Variants in PDE4D observed in about 807,000 individuals in gnomAD.
PDE4D encodes the protein 3',5'-cyclic-AMP phosphodiesterase 4D.
In PDE4D, 24 loss-of-function variants were observed where a neutral mutation model predicts 87.4. The ratio of observed to expected loss-of-function variants is 0.27; its 90% CI spans 0.20 to 0.39. The LOEUF is 0.39. PDE4D is among the 10% of genes least tolerant of loss of function. The probability of loss-of-function intolerance (pLI) is 1.00; values close to 1 mark genes in which losing one functional copy is unlikely to be tolerated. For missense variants in PDE4D, 714 were observed against 1,041.0 expected (o/e 0.69, Z 4.32); for synonymous variants, 384 against 383.2 (o/e 1.00, Z -0.02).
intron 1 of PDE4D, among the ~76,000 whole-genome samples, chr5:59,431,696 TG>T (rs1260206937): frequency 6.6e-6 from 1 of 152,074 alleles, no homozygotes; most frequent in African/African-American, 2.4e-5. Flanking sequence ...ACTTGTGCCA[TG>T]GGGGTTTGTT....
chr5:60,401,351 G>A (rs1741066964), intron 1 of PDE4D, among the ~76,000 whole-genome samples: 1 of 152,132 alleles, frequency 6.6e-6, no homozygotes, highest in South Asian at 2.1e-4. Context: ...ACTTCACAAT[G>A]AAAAATCTAG....
intron 1 of PDE4D, among the ~76,000 whole-genome samples, chr5:59,760,621 T>C (rs879279541): frequency 2.0e-5 from 3 of 152,174 alleles, no homozygotes; most frequent in Non-Finnish European, 4.4e-5. Flanking sequence ...AAATTACTTA[T>C]ATTAGAAAAC....
chr5:60,405,457 T>A (rs371430531), intron 1 of PDE4D, among the ~76,000 whole-genome samples: 5 of 152,214 alleles, frequency 3.3e-5, no homozygotes, highest in African/African-American at 1.2e-4. Flanking sequence ...AATTTTTGGC[T>A]CTATGAAGGA....
chr5:59,775,236 T>C (rs1763961003), intron 1 of PDE4D, among the ~76,000 whole-genome samples: 1 of 152,148 alleles, frequency 6.6e-6, no homozygotes, highest in African/African-American at 2.4e-5. Flanking sequence ...ATACCCTATA[T>C]TTCTGGGTTT....
chr5:59,669,911 T>G (rs1746910750), intron 1 of PDE4D, among the ~76,000 whole-genome samples: 1 of 152,182 alleles, frequency 6.6e-6, no homozygotes, highest in South Asian at 2.1e-4. Flanking sequence ...TGGGCATGAT[T>G]TCATTTAACC....
chr5:60,099,604 C>T (rs558843573), intron 2 of PDE4D, among the ~76,000 whole-genome samples: 156 of 151,410 alleles, frequency 1.0e-3, no homozygotes, highest in African/African-American at 3.7e-3. Context: ...TACGGTTTAC[C>T]GAGAAAGAAA....
At chr5:59,959,798 G>T (rs924537417) in intron 3 of PDE4D, among the ~76,000 whole-genome samples, 6 of 152,072 alleles carry the variant, frequency 3.9e-5, no homozygotes, top group African/African-American at 1.4e-4. Flanking sequence ...AAGATTTTAT[G>T]ACTAAGTCCC....
intron 2 of PDE4D, among the ~76,000 whole-genome samples, chr5:59,195,338 G>T (rs545694885): frequency 6.6e-6 from 1 of 152,314 alleles, no homozygotes; most frequent in East Asian, 1.9e-4. Context: ...CAGGGTAGGA[G>T]CAGGCCTGGT....
chr5:60,238,310 G>A (rs1746662194), intron 1 of PDE4D, among the ~76,000 whole-genome samples: 1 of 151,770 alleles, frequency 6.6e-6, no homozygotes, highest in South Asian at 2.1e-4. Context: ...TTCTTCTGTT[G>A]ATAGAAATAC....
intron 1 of PDE4D, among the ~76,000 whole-genome samples, chr5:60,220,111 T>A (rs1744315624): frequency 6.6e-6 from 1 of 151,942 alleles, no homozygotes; most frequent in African/African-American, 2.4e-5. Flanking sequence ...GTCCTGGGGG[T>A]GTGGAGAAAA....
intron 2 of PDE4D, among the ~76,000 whole-genome samples, chr5:59,999,051 A>G (rs1204305163): frequency 2.0e-5 from 3 of 152,186 alleles, no homozygotes; most frequent in Non-Finnish European, 4.4e-5. Flanking sequence ...AGTTTTATGA[A>G]AAGTCTAGAA....
intron 1 of PDE4D, among the ~76,000 whole-genome samples, chr5:59,371,614 T>C (rs1423854638): frequency 6.6e-6 from 1 of 152,202 alleles, no homozygotes; most frequent in Non-Finnish European, 1.5e-5. Flanking sequence ...GGTCTGTCCA[T>C]GGTTTCTCTG....
At chr5:59,150,328 T>G (rs1779295802) in intron 5 of PDE4D, among the ~76,000 whole-genome samples, 1 of 152,220 alleles carries the variant, frequency 6.6e-6, no homozygotes, top group Admixed American at 6.6e-5. Context: ...ACTTCTGGAA[T>G]CTTCTCAAAA....
chr5:59,052,596 C>T (rs1761714461), intron 5 of PDE4D, among the ~76,000 whole-genome samples: 1 of 152,118 alleles, frequency 6.6e-6, no homozygotes, highest in African/African-American at 2.4e-5. Context: ...TAGTGGTCTA[C>T]GATGACAGTT....
At chr5:60,305,548 A>T (rs1754420367) in intron 1 of PDE4D, among the ~76,000 whole-genome samples, 1 of 152,040 alleles carries the variant, frequency 6.6e-6, no homozygotes, top group Admixed American at 6.5e-5. Flanking sequence ...ACACATCCCA[A>T]GAAAACTTTC....
rs944255248 is a variant in PDE4D, at chr5:60,044,531, T to C, written c.43-55814A>G. Among the ~76,000 whole-genome samples, 9 of 135,606 alleles carry C rather than the reference T, an allele frequency of 6.6e-5. 1 individual carries two copies. The highest frequency in any genetic ancestry group is 5.3e-4 in the South Asian group (2 of 3,794). 89.0% of individuals were successfully genotyped at this position (135,606 alleles called of 152,430 possible). A position where few individuals can be genotyped will look rare whatever the true frequency, so the allele number is the denominator to read the frequency against. On this transcript the variant is annotated intron_variant, in intron 2 of 16. Transcript: ENST00000502484. ...CCTCCCCCCTACCCCCACCCCACAA[T>C]AGTCCCCAGAGTGTGATATTCCCCT...
chr5:60,028,432 G>A (rs1344627831), intron 2 of PDE4D, among the ~76,000 whole-genome samples: 1 of 152,122 alleles, frequency 6.6e-6, no homozygotes, highest in Non-Finnish European at 1.5e-5. Context: ...TCCTGGGTCT[G>A]TCTGCCCTCA....
intron 1 of PDE4D, among the ~76,000 whole-genome samples, chr5:59,771,951 A>G (rs1395750830): frequency 6.6e-6 from 1 of 152,184 alleles, no homozygotes; most frequent in Admixed American, 6.5e-5. Flanking sequence ...CCCATATCCC[A>G]TTATTATTAT....
chr5:59,027,895 C>T (rs1405563981), intron 6 of PDE4D, among the ~76,000 whole-genome samples: 1 of 151,524 alleles, frequency 6.6e-6, no homozygotes, highest in Non-Finnish European at 1.5e-5. Context: ...GCTTCTAGAC[C>T]CTCTCGGCTG....
Sources: gnomAD v4.1 joint callset for allele counts (sites outside exome capture counted in the v4.1 genomes callset) on GRCh38, gnomAD v4.1.1 for gene constraint, MANE v1.5 for transcripts, NCBI Gene and HGNC (gene_info 2026-07-23, HGNC 2026-07-21) for gene names.